The following CTNNA3 variants were observed in gnomAD, a reference collection of about 807,000 sequenced individuals.
CTNNA3 encodes catenin alpha-3.
Under a neutral mutation model 95.7 loss-of-function variants are expected in CTNNA3, and 76 were observed. The observed-to-expected ratio is 0.79, with a 90% CI of 0.66 to 0.96. The LOEUF (loss-of-function observed/expected upper bound fraction) is 0.96, where lower values mean the gene tolerates loss of function less well. Ranked by LOEUF, CTNNA3 falls within the 40% of genes least tolerant of loss-of-function variation. The pLI is 0.00. For missense variants in CTNNA3, 1,191 were observed against 1,089.8 expected, an observed-to-expected ratio of 1.09 and a Z score of -1.31; for synonymous variants, 431 against 374.4, an observed-to-expected ratio of 1.15 and a Z score of -1.74.
chr10:65,984,519 T>A (rs1225551807), intron 16 of CTNNA3, among the ~76,000 whole-genome samples: 1 of 151,392 alleles, frequency 6.6e-6, no homozygotes, highest in African/African-American at 2.4e-5. Flanking sequence ...ACTACTTCTC[T>A]AAGCTTCTCT....
At chr10:65,940,512 A>T (rs1252401227) in intron 17 of CTNNA3, among the ~76,000 whole-genome samples, 1 of 152,326 alleles carries the variant, frequency 6.6e-6, no homozygotes, top group East Asian at 1.9e-4. Context: ...ACTCTTTCAT[A>T]TCACTGAGCA....
chr10:66,860,854 A>C (rs138093083), intron 7 of CTNNA3, among the ~76,000 whole-genome samples: 1 of 152,264 alleles, frequency 6.6e-6, no homozygotes, highest in African/African-American at 2.4e-5. Context: ...ATGTAACCAC[A>C]TTGTAAACCC....
chr10:67,191,721 G>A (rs1056279933), intron 6 of CTNNA3, among the ~76,000 whole-genome samples: 2 of 151,712 alleles, frequency 1.3e-5, no homozygotes, highest in Non-Finnish European at 2.9e-5. Context: ...AATTCTAACA[G>A]TATTCTTCAA....
chr10:67,134,555 T>A (rs7071587), intron 7 of CTNNA3, among the ~76,000 whole-genome samples: 84 of 152,224 alleles, frequency 5.5e-4, no homozygotes, highest in African/African-American at 2.0e-3. Context: ...CCTCAATTCC[T>A]GCTTGTTACA....
At chr10:67,394,141 TTG>T (rs931890880) in intron 5 of CTNNA3, among the ~76,000 whole-genome samples, 1 of 152,146 alleles carries the variant, frequency 6.6e-6, no homozygotes, top group African/African-American at 2.4e-5. Context: ...TATGACTCTT[TTG>T]TGTGTGTGAT....
intron 5 of CTNNA3, among the ~76,000 whole-genome samples, chr10:67,489,364 A>T (rs1335408375): frequency 5.9e-5 from 9 of 152,162 alleles, no homozygotes; most frequent in Non-Finnish European, 2.9e-5. Context: ...CCTCTGCACC[A>T]CCACCCACAA....
chr10:66,980,253 C>T (rs988918297), intron 7 of CTNNA3, among the ~76,000 whole-genome samples: 6 of 152,212 alleles, frequency 3.9e-5, no homozygotes, highest in Admixed American at 1.3e-4. Flanking sequence ...TTAGAGACCA[C>T]TGTGTTCCTT....
intron 7 of CTNNA3, among the ~76,000 whole-genome samples, chr10:66,807,797 A>G (rs1841714316): frequency 6.6e-6 from 1 of 152,152 alleles, no homozygotes. Context: ...TGAATTAGAA[A>G]AAAAGCTTGA....
At chr10:66,389,832 G>T (rs1344568334) in intron 11 of CTNNA3, among the ~76,000 whole-genome samples, 1 of 151,792 alleles carries the variant, frequency 6.6e-6, no homozygotes, top group Non-Finnish European at 1.5e-5. Flanking sequence ...TCAAACTCTT[G>T]GGCCCAAGTG....
chr10:66,890,909 G>A (rs1361940138), intron 7 of CTNNA3, among the ~76,000 whole-genome samples: 3 of 152,080 alleles, frequency 2.0e-5, no homozygotes, highest in African/African-American at 7.2e-5. Context: ...GAGAGAAGGA[G>A]CAGGGGCAGG....
intron 11 of CTNNA3, among the ~76,000 whole-genome samples, chr10:66,467,388 C>T (rs531064618): frequency 1.3e-5 from 2 of 152,212 alleles, no homozygotes; most frequent in South Asian, 4.1e-4. Context: ...TATGCAATGA[C>T]TGATTTTTGT....
At chr10:67,391,847 C>T (rs10997629) in intron 5 of CTNNA3, among the ~76,000 whole-genome samples, 1 of 150,198 alleles carries the variant, frequency 6.7e-6, no homozygotes, top group Non-Finnish European at 1.5e-5. Flanking sequence ...AAACTGGCTA[C>T]CCATTTGTAG....
intron 12 of CTNNA3, among the ~76,000 whole-genome samples, chr10:66,283,577 T>C (rs554062193): frequency 1.5e-4 from 23 of 152,028 alleles, no homozygotes; most frequent in African/African-American, 5.5e-4. Context: ...ATGATTTCAT[T>C]TTAACTCCTC....
intron 3 of CTNNA3, among the ~76,000 whole-genome samples, chr10:67,601,528 C>T (rs1173701805): frequency 1.3e-5 from 2 of 152,060 alleles, no homozygotes; most frequent in Admixed American, 6.5e-5. Context: ...GGACCAGTAC[C>T]GGTCCACGAC....
intron 1 of CTNNA3, among the ~76,000 whole-genome samples, chr10:67,679,978 C>T (rs534325063): frequency 6.6e-6 from 1 of 152,272 alleles, no homozygotes; most frequent in African/African-American, 2.4e-5. Flanking sequence ...TAATAAGGGA[C>T]TGGTTAAATA....
At chr10:66,134,169 A>G (rs1335421567) in intron 13 of CTNNA3, among the ~76,000 whole-genome samples, 2 of 152,118 alleles carry the variant, frequency 1.3e-5, no homozygotes, top group Non-Finnish European at 2.9e-5. Flanking sequence ...AAAAACCAAG[A>G]AAAAAGAACA....
intron 9 of CTNNA3, among the ~76,000 whole-genome samples, chr10:66,674,459 T>TA (rs1344174731): frequency 6.6e-6 from 1 of 152,012 alleles, no homozygotes; most frequent in African/African-American, 2.4e-5. Context: ...TTGGGCAAGG[T>TA]ATATTAACTA....
chr10:67,409,320 G>C (rs1194597826), intron 5 of CTNNA3, among the ~76,000 whole-genome samples: 3 of 152,120 alleles, frequency 2.0e-5, no homozygotes, highest in African/African-American at 7.2e-5. Context: ...TAATAGCAAA[G>C]ACATGGAATT....
intron 2 of CTNNA3, among the ~76,000 whole-genome samples, chr10:67,616,802 C>T (rs959980414): frequency 5.3e-5 from 8 of 152,136 alleles, no homozygotes; most frequent in Non-Finnish European, 8.8e-5. Flanking sequence ...AGATATGTTT[C>T]GTATAGGTTA....
Sources: gnomAD v4.1 joint callset for allele counts (sites outside exome capture counted in the v4.1 genomes callset) on GRCh38, gnomAD v4.1.1 for gene constraint, MANE v1.5 for transcripts, NCBI Gene and HGNC (gene_info 2026-07-23, HGNC 2026-07-21) for gene names.